AP4S1: variants seen among roughly 807,000 people sequenced by gnomAD.
AP4S1 encodes the protein AP-4 complex subunit sigma-1.
In AP4S1, 23 loss-of-function variants were observed where a neutral mutation model predicts 19.8. The ratio of observed to expected loss-of-function variants is 1.16; its 90% confidence interval spans 0.84 to 1.65. The LOEUF (loss-of-function observed/expected upper bound fraction) is 1.65. Ranked by LOEUF, AP4S1 falls within the 40% of genes most tolerant of loss-of-function variation. AP4S1 has a pLI of 0.00. For missense variants in AP4S1, 166 were observed against 172.8 expected (o/e 0.96, Z 0.22); for synonymous variants, 46 against 54.1 (o/e 0.85, Z 0.66).
intron 2 of AP4S1, among the ~76,000 whole-genome samples, chr14:31,067,088 G>C (rs903307417): frequency 6.6e-6 from 1 of 152,000 alleles, no homozygotes; most frequent in Admixed American, 6.6e-5. Flanking sequence ...GTGCACAACT[G>C]TAGTCCCAGC....
chr14:31,037,270 A>G (rs1884836429), intron 1 of AP4S1, among the ~76,000 whole-genome samples: 1 of 152,014 alleles, frequency 6.6e-6, no homozygotes, highest in Non-Finnish European at 1.5e-5. Context: ...CCACCAATTA[A>G]TTAGCATCCT....
At chr14:31,034,570 C>T (rs369276665) in intron 1 of AP4S1, among the ~76,000 whole-genome samples, 4 of 149,980 alleles carry the variant, frequency 2.7e-5, no homozygotes, top group South Asian at 2.1e-4. Flanking sequence ...GGATTACAGG[C>T]GTAAGCCACT....
At chr14:31,069,714 T>C (rs1886897856) in intron 2 of AP4S1, 129 bp from the exon 3 acceptor site, 1 of 783,528 alleles carries the variant, frequency 1.3e-6, no homozygotes, top group African/African-American at 1.7e-5. Context: ...CCAATGGTTG[T>C]GTAACATCTT....
chr14:31,058,172 C>T (rs900934779), intron 1 of AP4S1, among the ~76,000 whole-genome samples: 3 of 152,174 alleles, frequency 2.0e-5, no homozygotes, highest in Middle Eastern at 3.4e-3. Flanking sequence ...TCAGGTGATC[C>T]GCCCACCTTG....
At chr14:31,056,578 C>G (rs539099091) in intron 1 of AP4S1, among the ~76,000 whole-genome samples, 1 of 151,462 alleles carries the variant, frequency 6.6e-6, no homozygotes, top group Non-Finnish European at 1.5e-5. Flanking sequence ...ACACTGGTCT[C>G]GAACTCCTGA....
intron 1 of AP4S1, chr14:31,026,330 GTCA>G: frequency 1.2e-6 from 1 of 847,890 alleles, no homozygotes; most frequent in Non-Finnish European, 1.6e-6. Context: ...CCTGCCGTGG[GTCA>G]GAGCAGGGAG....
chr14:31,084,614 C>G (rs1442498106), intron 5 of AP4S1, among the ~76,000 whole-genome samples: 2 of 152,240 alleles, frequency 1.3e-5, no homozygotes, highest in Admixed American at 6.5e-5. Flanking sequence ...TATGAATACA[C>G]TCCTGTGCAC....
chr14:31,054,944 C>T (rs1407031639), intron 1 of AP4S1, among the ~76,000 whole-genome samples: 2 of 142,194 alleles, frequency 1.4e-5, no homozygotes, highest in East Asian at 4.2e-4. Flanking sequence ...TGATATGATG[C>T]AAATGGCACT....
rs148109049 is a variant in AP4S1 at position 31,040,148 on chromosome 14, C to CTTTT, written c.-72+14376_-72+14379dup. Reference sequence around the variant, plus strand: ...TGTGTAAAGTCAAATTACTCTGCATCTTTTTTTTTTTTTTTTTTCCTGAGA... The same window carrying CTTTT: ...TGTGTAAAGTCAAATTACTCTGCATCTTTTTTTTTTTTTTTTTTTTTTCCTGAGA... On this transcript the variant is annotated intron_variant, in intron 1 of 5. Coordinates refer to ENST00000542754, the MANE Select transcript of AP4S1 (RefSeq NM_001128126.3). 5.9e-4 allele frequency among the ~76,000 whole-genome samples: 76 copies of CTTTT among 129,504 alleles called. 1 individual carries two copies. In the East Asian group the frequency reaches 0.015, roughly 26 times the overall value. 85.0% of individuals were successfully genotyped at this position (129,504 alleles called of 152,430 possible).
intron 1 of AP4S1, among the ~76,000 whole-genome samples, chr14:31,029,782 G>A (rs1009821221): frequency 6.6e-6 from 1 of 151,048 alleles, no homozygotes; most frequent in Non-Finnish European, 1.5e-5. Context: ...GCATCATTAT[G>A]CCACTGCACT....
At chr14:31,043,142 A>G (rs1885202403) in intron 1 of AP4S1, among the ~76,000 whole-genome samples, 1 of 151,280 alleles carries the variant, frequency 6.6e-6, no homozygotes, top group South Asian at 2.1e-4. Flanking sequence ...AATCGCTTGA[A>G]CTCGGGAGGC....
At chr14:31,070,037 C>T in intron 3 of AP4S1, 108 bp downstream of exon 3, 2 of 917,208 alleles carry the variant, frequency 2.2e-6, no homozygotes, top group South Asian at 1.3e-5. Flanking sequence ...GCCCTGTCAC[C>T]AGTCTGGAGT....
intron 1 of AP4S1, among the ~76,000 whole-genome samples, chr14:31,028,774 C>T (rs922592222): frequency 3.9e-5 from 6 of 152,032 alleles, no homozygotes; most frequent in East Asian, 1.9e-4. Context: ...ATTAGCTGGG[C>T]GTGGTGGCGC....
chr14:31,054,867 CAAAAAAAAAA>C (rs1162029946), intron 1 of AP4S1, among the ~76,000 whole-genome samples: 1 of 46,380 alleles, frequency 2.2e-5, no homozygotes, highest in Admixed American at 3.8e-4. Flanking sequence ...GACTCTGTCT[CAAAAAAAAAA>C]AAAAAAAAAA....
chr14:31,092,817 T>G, intron 5 of AP4S1, 90 bp from the exon 6 acceptor site: 1 of 981,154 alleles, frequency 1.0e-6, no homozygotes, highest in East Asian at 3.0e-5. Context: ...TAGGCTAATT[T>G]ACACTGGGAA....
At chr14:31,061,199 G>A (rs568109676) in intron 1 of AP4S1, among the ~76,000 whole-genome samples, 33 of 151,946 alleles carry the variant, frequency 2.2e-4, no homozygotes, top group Non-Finnish European at 3.5e-4. Context: ...GTATTTTTTA[G>A]TAGAGAGTGG....
At chr14:31,058,858 G>A (rs1257566633) in intron 1 of AP4S1, among the ~76,000 whole-genome samples, 1 of 151,420 alleles carries the variant, frequency 6.6e-6, no homozygotes, top group East Asian at 1.9e-4. Context: ...TTATAGGTGT[G>A]AGCCACCACA....
chr14:31,033,054 T>C (rs1884499954), intron 1 of AP4S1: 2 of 152,360 alleles, frequency 1.3e-5, no homozygotes, highest in Admixed American at 6.5e-5. Context: ...TGAGTGTATA[T>C]GTGTATTTGG....
At chr14:31,073,395 C>G (rs1445411270) in intron 4 of AP4S1, among the ~76,000 whole-genome samples, 11 of 134,070 alleles carry the variant, frequency 8.2e-5, no homozygotes, top group African/African-American at 2.6e-4. Flanking sequence ...GAGGCTGAGG[C>G]AGGAGAATGG....
Sources: gnomAD v4.1 joint callset for allele counts (sites outside exome capture counted in the v4.1 genomes callset) on GRCh38, gnomAD v4.1.1 for gene constraint, MANE v1.5 for transcripts, NCBI Gene and HGNC (gene_info 2026-07-23, HGNC 2026-07-21) for gene names.